Variants in SPTBN5 observed in about 807,000 individuals in gnomAD.
The protein encoded by SPTBN5 is spectrin beta, non-erythrocytic 5, also known as spectrin beta chain, non-erythrocytic 5.
A neutral mutation model predicts 477.6 loss-of-function variants in SPTBN5; 513 were observed. The ratio of observed to expected loss-of-function variants is 1.07; its 90% CI spans 1.00 to 1.16. The LOEUF is 1.16. Ranked by LOEUF, SPTBN5 falls within the 50% of genes most tolerant of loss-of-function variation. The pLI is 0.00. For synonymous variants in SPTBN5, 2,169 were observed against 2,011.7 expected (o/e 1.08, Z -2.09); for missense variants, 5,062 against 4,731.8 (o/e 1.07, Z -2.05).
chr15:41,870,535 G>C lies in SPTBN5; in HGVS notation c.5473C>G (p.Leu1825Val), dbSNP rs1249279091. The C allele has an allele frequency of 3.1e-6, 5 of 1,610,240 alleles. No individual in the cohort carries two copies. The highest frequency in any genetic ancestry group is 3.4e-6 in the Non-Finnish European group (4 of 1,179,746). Residue 1825 changes from leucine to valine, a missense_variant, in exon 30 of 68, where the codon CTG (leucine) becomes GTG (valine). By Grantham distance (32) the Leu-to-Val change is conservative. Coordinates refer to ENST00000320955, the MANE Select transcript of SPTBN5 (RefSeq NM_016642.4). Reference protein sequence around the residue: ...LQTAWSELWELTQARGHALRD... With the variant: ...LQTAWSELWEVTQARGHALRD... ...AGCGCGTGGCCTCGGGCCTGGGTCA[G>C]CTCCCACAGCTCCGACCAGGCGGTC... is the stretch of plus-strand genomic sequence containing the variant.
At chr15:41,851,426 G>A in intron 63 of SPTBN5, 57 bp from the exon 64 acceptor site, 14 of 1,221,174 alleles carry the variant, frequency 1.1e-5, no homozygotes, top group Non-Finnish European at 1.6e-5. Flanking sequence ...CAGAGCTAGG[G>A]CCTGTCCACG....
rs776093080 is a variant in SPTBN5, at chr15:41,852,770, G to A, written c.10348-35C>T. On this transcript the variant is annotated intron_variant, in intron 60 of 67. Transcript: ENST00000320955. Reference sequence around the variant, plus strand: ...AGCATGTTCAGGTGACGCCCAGCTTGGGGGGGGGGGCCCAGAGCCTGGTAG... The same window carrying A: ...AGCATGTTCAGGTGACGCCCAGCTTAGGGGGGGGGGCCCAGAGCCTGGTAG... 576 of 864,738 alleles carry A rather than the reference G, an allele frequency of 6.7e-4. 2 individuals carry two copies. Among genetic ancestry groups the A allele is most frequent in the East Asian group, 2.5e-3 (47 of 19,024 alleles). The allele number at this position is 864,738 out of a possible 1,614,324, so 53.6% of individuals were successfully genotyped here.
Position 41,855,366 on chromosome 15 carries a change from G to T in SPTBN5, c.9281C>A (p.Ala3094Glu), listed in dbSNP as rs200637072. 1.2e-6 allele frequency: 2 copies of T among 1,604,906 alleles called. No individual in the cohort carries two copies. The highest frequency in any genetic ancestry group is 2.7e-5 in the African/African-American group (2 of 74,934). Residue 3094 changes from alanine (A) to glutamate (E), a missense_variant, in exon 55 of 68, where the codon GCG becomes GAG. Transcript: ENST00000320955. Reference protein sequence around the residue: ...REAHAELLRRAEARGHGLQEQ... With the variant: ...REAHAELLRREEARGHGLQEQ... ...CTGCAGGCCGTGCCCCCTGGCCTCC[G>T]CCCTCCGCAGCAGCTCTGCGTGGGC...
In SPTBN5 at chr15:41,870,322, G is replaced by A. The variant is rs912164609; in HGVS notation, c.5594C>T (p.Ala1865Val). 12 of 1,567,774 alleles carry A rather than the reference G, an allele frequency of 7.7e-6. No homozygotes were observed. Among genetic ancestry groups the A allele is most frequent in the African/African-American group, 1.4e-5 (1 of 73,974 alleles). ...CGCCTCCAGCCCACACAGGTCCCGT[G>A]CCACATTGTTGGGGAGGCTCGTGGC... ...EKATSLPNNV[A>V]RDLCGLEAQL... The change falls in exon 31 of 68, where the codon GCA becomes GTA. Residue 1865 changes from alanine to valine, a missense_variant. Physicochemically the swap from Ala to Val is moderately conservative, Grantham distance 64 (BLOSUM62 0). Coordinates refer to ENST00000320955, the MANE Select transcript of SPTBN5 (RefSeq NM_016642.4).
At chr15:41,857,771 T>G in intron 49 of SPTBN5, 61 bp from the exon 50 acceptor site, 1 of 1,505,640 alleles carries the variant, frequency 6.6e-7, no homozygotes, top group East Asian at 2.5e-5. Context: ...AGGGCACTTG[T>G]GTTGACTCTG....
Position 41,862,589 on chromosome 15 carries a change from C to A in SPTBN5, c.7335G>T (p.Gln2445His). Residue 2445 changes from glutamine (Q) to histidine (H), a missense_variant, in exon 43 of 68, where the codon CAG becomes CAT. Gln to His is a conservative substitution (Grantham distance 24, BLOSUM62 0). Coordinates refer to ENST00000320955, the MANE Select transcript of SPTBN5 (RefSeq NM_016642.4). ...PEAAHGLRHRQQEVAESWWQL... is the reference protein window; with the variant it reads ...PEAAHGLRHRHQEVAESWWQL... ...GCCACCAGCTCTCAGCCACCTCCTGCTGCCTGTGCCTGAGGCCGTGGGCTG... is the reference window on the plus strand; with the variant it reads ...GCCACCAGCTCTCAGCCACCTCCTGATGCCTGTGCCTGAGGCCGTGGGCTG... 6.4e-7 allele frequency: 1 copy of A among 1,558,712 alleles called. No individual in the cohort carries two copies. Among genetic ancestry groups the A allele is most frequent in the Middle Eastern group, 1.8e-4 (1 of 5,642 alleles).
In SPTBN5 at chr15:41,882,920, C is replaced by T. The variant is rs568728738; in HGVS notation, c.1892+76G>A. 4 of 1,434,424 alleles carry T rather than the reference C, an allele frequency of 2.8e-6. No individual in the cohort carries two copies. The South Asian group carries it at 3.8e-5, about 14-fold the overall frequency. 88.9% of individuals were successfully genotyped at this position (1,434,424 alleles called of 1,614,324 possible). ...GGAGAAAACTGGCAGGCCAACAGTA[C>T]TTTAACCTGGGCAGGAGATAATTTG... On this transcript the variant is annotated intron_variant, in intron 9 of 67. Coordinates refer to ENST00000320955, the MANE Select transcript of SPTBN5 (RefSeq NM_016642.4).
chr15:41,858,480 G>T, intron 49 of SPTBN5, 122 bp downstream of exon 49: 2 of 1,247,790 alleles, frequency 1.6e-6, no homozygotes, highest in Non-Finnish European at 2.2e-6. Flanking sequence ...CCAGGTGCCT[G>T]CATGCAGAAA....
In SPTBN5 at chr15:41,864,014, C is replaced by G; in HGVS notation, c.6929G>C (p.Gly2310Ala). 1 of 1,612,506 alleles carries G rather than the reference C, an allele frequency of 6.2e-7. No homozygotes were observed. Among genetic ancestry groups the G allele is most frequent in the Non-Finnish European group, 8.5e-7 (1 of 1,179,342 alleles). ...FRGNSAGDTV[G>A]DACIRSISDL... ...ACTGATGCTCCTGATGCAGGCATCA[C>G]CCACTGTGTCCTGCAGGGGAGGTAT... The change falls in exon 40 of 68, where the codon GGT becomes GCT. Residue 2310 changes from glycine (G) to alanine (A), a missense_variant. Physicochemically the swap from Gly to Ala is moderately conservative, Grantham distance 60. Transcript: ENST00000320955.
chr15:41,852,950 C>T lies in SPTBN5; in HGVS notation c.10221G>A (p.Glu3407=), dbSNP rs545282974. 69 of 1,574,006 alleles carry T rather than the reference C, an allele frequency of 4.4e-5. 1 individual carries two copies. The African/African-American group carries it at 8.5e-4, about 19-fold the overall frequency. ...AGCGTTGCCAGCGCAGGGCCCAAGC[C>T]TCCTCCAGCTCCTGCAGCCGCCCTT... The part of the protein sequence containing the change: ...ELEGRLQELE[E]AWALRWQRCA... The change falls in exon 60 of 68, where the codon GAG becomes GAA. Residue 3407 remains glutamate (E), a synonymous_variant. Transcript: ENST00000320955.
intron 67 of SPTBN5, among the ~76,000 whole-genome samples, chr15:41,848,831 T>A (rs1595431320): frequency 1.3e-5 from 2 of 152,170 alleles, no homozygotes; most frequent in East Asian, 3.9e-4. Context: ...TCGACTTTCA[T>A]AACCCAACTC....
rs1441824958 is a variant in SPTBN5, at chr15:41,886,185, G to A, written c.1070C>T (p.Pro357Leu). Residue 357 changes from proline to leucine, a missense_variant, in exon 7 of 68, where the codon CCA becomes CTA. By Grantham distance (98) the Pro-to-Leu change is moderately conservative. Coordinates refer to ENST00000320955, the MANE Select transcript of SPTBN5 (RefSeq NM_016642.4). ...GGCCCCTCGCTGCTGTAGCCGGGGT[G>A]GCTTCTCCTGGGTGCGGAAGATGGT... ...AFTIFRTQEK[P>L]PRLQQRGAAE... 6.2e-7 allele frequency: 1 copy of A among 1,612,938 alleles called. No homozygotes were observed. Among genetic ancestry groups the A allele is most frequent in the Non-Finnish European group, 8.5e-7 (1 of 1,179,790 alleles).
intron 36 of SPTBN5, 80 bp downstream of exon 36, chr15:41,866,879 C>T: frequency 6.9e-7 from 1 of 1,449,584 alleles, no homozygotes; most frequent in Non-Finnish European, 9.1e-7. Flanking sequence ...TTCCGCCTCA[C>T]AGTGTTGCGG....
In SPTBN5 at chr15:41,877,189, A is replaced by G. The variant is rs1337634479; in HGVS notation, c.3638T>C (p.Phe1213Ser). 8 of 1,613,852 alleles carry G rather than the reference A, an allele frequency of 5.0e-6. No individual in the cohort carries two copies. Among genetic ancestry groups the G allele is most frequent in the Non-Finnish European group, 5.9e-6 (7 of 1,179,892 alleles). The stretch of plus-strand genomic sequence containing the variant: ...AGTGAAACCATCCACTTCTCGGCCA[A>G]ACTTCTGCAGCTCCAGCCCCTCTTG... ...WLQEGLELQK[F>S]GREVDGFTAT... The change falls in exon 18 of 68, where the codon TTT (phenylalanine) becomes TCT (serine). Residue 1213 changes from phenylalanine (F) to serine (S), a missense_variant. Transcript: ENST00000320955.
rs1423276080 is a variant in SPTBN5, at chr15:41,890,032, G to A, written c.501+57C>T. ...ACTTATGAATCCCCAGGGGTCTGAG[G>A]TGAGGCCAGGGCTGGGCTGGGTCAC... is the stretch of plus-strand genomic sequence containing the variant. On this transcript the variant is annotated intron_variant, in intron 4 of 67. Transcript: ENST00000320955. 6.9e-6 allele frequency: 8 copies of A among 1,153,208 alleles called. No homozygotes were observed. The South Asian group carries it at 1.0e-4, about 15-fold the overall frequency. The allele number at this position is 1,153,208 out of a possible 1,614,324, so 71.4% of individuals were successfully genotyped here. A position where few individuals can be genotyped will look rare whatever the true frequency, so the allele number is the denominator to read the frequency against.
rs2065746161 is a variant in SPTBN5 at position 41,851,169 on chromosome 15, CAG to C, written c.10744-21_10744-20del. On this transcript the variant is annotated intron_variant, in intron 64 of 67. Transcript: ENST00000320955. ...CTACTTTCTGAGGAGAGATGAGAGGCAGGGGTCACTGCGGCCATCTCAGCTTT... is the reference window on the plus strand; with the variant it reads ...CTACTTTCTGAGGAGAGATGAGAGGCGGGTCACTGCGGCCATCTCAGCTTT... The C allele has an allele frequency of 1.9e-6, 3 of 1,609,686 alleles. No homozygotes were observed. The African/African-American group carries it at 4.0e-5, about 21-fold the overall frequency.
At chr15:41,891,801 T>C (rs2067321678) in intron 3 of SPTBN5, among the ~76,000 whole-genome samples, 1 of 152,164 alleles carries the variant, frequency 6.6e-6, no homozygotes, top group African/African-American at 2.4e-5. Context: ...ACACATTCCC[T>C]GTGTGTTTGC....
chr15:41,885,677 G>A (rs1333319992), intron 7 of SPTBN5, 58 bp downstream of exon 7: 1 of 1,508,128 alleles, frequency 6.6e-7, no homozygotes, highest in South Asian at 1.2e-5. Context: ...TGGAAGGATG[G>A]GGGTGTGGTA....
intron 66 of SPTBN5, chr15:41,850,190 G>A (rs1023052826): frequency 3.7e-6 from 2 of 544,510 alleles, no homozygotes; most frequent in South Asian, 4.3e-5. Flanking sequence ...AAGAAAGGCT[G>A]AGCCTTTCTT....
Sources: gnomAD v4.1 joint callset for allele counts (sites outside exome capture counted in the v4.1 genomes callset) on GRCh38, gnomAD v4.1.1 for gene constraint, MANE v1.5 for transcripts, NCBI Gene and HGNC (gene_info 2026-07-23, HGNC 2026-07-21) for gene names.